Variants in PAG1 observed in about 807,000 individuals in gnomAD.
PAG1 encodes the protein phosphoprotein associated with glycosphingolipid-enriched microdomains 1.
In PAG1, 23 loss-of-function variants were observed where a neutral mutation model predicts 31.7. The observed-to-expected ratio is 0.73, with a 90% CI of 0.52 to 1.03. PAG1 has a LOEUF of 1.03. Among genes scored for constraint, PAG1 ranks in the 50% least tolerant of loss-of-function variants. PAG1 has a pLI of 0.00. For synonymous variants in PAG1, 214 were observed against 210.3 expected, an observed-to-expected ratio of 1.02 and a Z score of -0.15; for missense variants, 473 against 540.7, an observed-to-expected ratio of 0.87 and a Z score of 1.24.
At chr8:81,018,638 T>G (rs566686762) in intron 3 of PAG1, among the ~76,000 whole-genome samples, 1 of 152,352 alleles carries the variant, frequency 6.6e-6, no homozygotes, top group South Asian at 2.1e-4. Flanking sequence ...CCCTGGCACA[T>G]GCTCTCTTGC....
At chr8:81,108,540 A>C (rs1586225131) in intron 1 of PAG1, among the ~76,000 whole-genome samples, 1 of 94,540 alleles carries the variant, frequency 1.1e-5, no homozygotes, top group Non-Finnish European at 2.8e-5. Context: ...CTGTGATTTA[A>C]ATTAAATCAG....
chr8:81,003,926 G>A lies in PAG1; in HGVS notation c.-80-10619C>T, dbSNP rs970860703. ...GATGTCAGGAAGAGAAGCCATGGAC[G>A]GCCTTTTTAGTCAGCATGCAGTGCC... On this transcript the variant is annotated intron_variant, in intron 3 of 8. Transcript: ENST00000220597. 4.6e-5 allele frequency among the ~76,000 whole-genome samples: 7 copies of A among 152,070 alleles called. No homozygotes were observed. In the South Asian group the frequency reaches 6.2e-4, roughly 14 times the overall value.
chr8:81,086,130 C>T (rs1358010541), intron 1 of PAG1, among the ~76,000 whole-genome samples: 2 of 150,250 alleles, frequency 1.3e-5, no homozygotes, highest in African/African-American at 4.9e-5. Context: ...TACAGGCGCC[C>T]GCTACCACGC....
intron 3 of PAG1, among the ~76,000 whole-genome samples, chr8:81,026,912 T>G (rs1208586926): frequency 6.6e-6 from 1 of 152,106 alleles, no homozygotes; most frequent in Admixed American, 6.5e-5. Flanking sequence ...ACCAAAAAAA[T>G]GTACCAAATG....
intron 2 of PAG1, among the ~76,000 whole-genome samples, chr8:81,041,295 G>C (rs1187704082): frequency 1.3e-5 from 2 of 151,974 alleles, no homozygotes; most frequent in African/African-American, 4.8e-5. Context: ...CACAATAGAG[G>C]GACAAAATAA....
intron 2 of PAG1, chr8:81,067,609 C>A (rs982368620): frequency 4.6e-5 from 7 of 152,184 alleles, no homozygotes; most frequent in African/African-American, 1.7e-4. Flanking sequence ...AGATCAAATG[C>A]GAGACAAAAG....
intron 2 of PAG1, among the ~76,000 whole-genome samples, chr8:81,062,170 A>G (rs990239296): frequency 1.1e-4 from 17 of 152,376 alleles, no homozygotes; most frequent in African/African-American, 3.8e-4. Context: ...GTCGACATCA[A>G]TTCTGAGGTG....
chr8:81,075,984 A>G (rs1458720774), intron 1 of PAG1, among the ~76,000 whole-genome samples: 1 of 152,236 alleles, frequency 6.6e-6, no homozygotes, highest in East Asian at 1.9e-4. Flanking sequence ...CTAAGTTACA[A>G]TAATCAATGA....
At chr8:81,110,552 T>C (rs573272716) in intron 1 of PAG1, among the ~76,000 whole-genome samples, 1 of 152,366 alleles carries the variant, frequency 6.6e-6, no homozygotes, top group Non-Finnish European at 1.5e-5. Flanking sequence ...TCTTTGTTTA[T>C]TAAGATAATT....
intron 2 of PAG1, among the ~76,000 whole-genome samples, chr8:81,053,166 T>A (rs1304701746): frequency 2.0e-5 from 3 of 152,208 alleles, no homozygotes. Flanking sequence ...ATTATTTGGA[T>A]GAACAAGAAA....
At chr8:81,013,940 T>A (rs1000092408) in intron 3 of PAG1, among the ~76,000 whole-genome samples, 4 of 152,196 alleles carry the variant, frequency 2.6e-5, no homozygotes, top group African/African-American at 2.4e-5. Flanking sequence ...AGTGCCAGTA[T>A]AAAGAACCAT....
chr8:81,006,405 C>G (rs1586160339), intron 3 of PAG1, among the ~76,000 whole-genome samples: 1 of 152,208 alleles, frequency 6.6e-6, no homozygotes, highest in African/African-American at 2.4e-5. Flanking sequence ...GAAGTGCCAC[C>G]TCTTCCTGGT....
At chr8:81,087,409 C>A (rs531705537) in intron 1 of PAG1, among the ~76,000 whole-genome samples, 1 of 151,194 alleles carries the variant, frequency 6.6e-6, no homozygotes, top group Admixed American at 6.6e-5. Flanking sequence ...GCCCTTGTAA[C>A]GCCTAAAATA....
intron 3 of PAG1, among the ~76,000 whole-genome samples, chr8:81,016,740 A>G (rs926568829): frequency 1.3e-5 from 2 of 152,098 alleles, no homozygotes; most frequent in Admixed American, 6.5e-5. Flanking sequence ...TCCATCAAGA[A>G]ATGAAATCTC....
At chr8:81,060,759 A>C (rs1328349380) in intron 2 of PAG1, among the ~76,000 whole-genome samples, 2 of 152,238 alleles carry the variant, frequency 1.3e-5, no homozygotes, top group African/African-American at 4.8e-5. Context: ...ACTACTTCAA[A>C]GTGTGAAAGA....
intron 1 of PAG1, among the ~76,000 whole-genome samples, chr8:81,096,108 C>G (rs1049134896): frequency 6.6e-6 from 1 of 152,158 alleles, no homozygotes; most frequent in Non-Finnish European, 1.5e-5. Context: ...CCAAAATCAC[C>G]TCACTTAAAT....
At chr8:81,081,520 A>C (rs191903318) in intron 1 of PAG1, among the ~76,000 whole-genome samples, 1 of 152,236 alleles carries the variant, frequency 6.6e-6, no homozygotes, top group African/African-American at 2.4e-5. Flanking sequence ...AAGATATAGA[A>C]CATTTCCATC....
intron 1 of PAG1, among the ~76,000 whole-genome samples, chr8:81,086,618 G>A (rs964036047): frequency 1.3e-5 from 2 of 152,002 alleles, no homozygotes; most frequent in Non-Finnish European, 2.9e-5. Flanking sequence ...AAATGCCTAC[G>A]TATTGATAAG....
chr8:81,065,809 ATGTG>A (rs944157278), intron 2 of PAG1, among the ~76,000 whole-genome samples: 5 of 150,816 alleles, frequency 3.3e-5, no homozygotes, highest in African/African-American at 1.2e-4. Context: ...ATATATATGC[ATGTG>A]TGTGTATGTG....
Sources: allele counts gnomAD v4.1 joint callset (sites outside exome capture counted in the v4.1 genomes callset), GRCh38; gene constraint gnomAD v4.1.1; transcripts MANE v1.5; gene names NCBI Gene and HGNC (gene_info 2026-07-23, HGNC 2026-07-21).